The following LCORL variants were observed in gnomAD, a reference collection of about 807,000 sequenced individuals.
LCORL encodes ligand-dependent nuclear receptor corepressor-like protein.
A neutral mutation model predicts 141.8 loss-of-function variants in LCORL; 41 were observed. That is an observed-to-expected ratio of 0.29 (90% CI 0.23 to 0.38). The LOEUF is 0.38. Ranked by LOEUF, LCORL falls within the 10% of genes least tolerant of loss-of-function variation. The pLI is 1.00. For missense variants in LCORL, 1,759 were observed against 2,035.0 expected (o/e 0.86, Z 2.61); for synonymous variants, 618 against 694.1 (o/e 0.89, Z 1.72).
exon 7 of LCORL, chr4:17,876,695 A>C: frequency 8.1e-7 from 1 of 1,230,856 alleles, no homozygotes; most frequent in Non-Finnish European, 1.0e-6. Context: ...AAAGTCCAGA[A>C]ACATCATTTC....
chr4:18,010,149 T>C (rs1723471700), intron 1 of LCORL, among the ~76,000 whole-genome samples: 1 of 152,216 alleles, frequency 6.6e-6, no homozygotes, highest in African/African-American at 2.4e-5. Context: ...CTCTATTCTT[T>C]TACACTAATT....
At chr4:17,924,772 CCAT>C (rs901642128) in intron 4 of LCORL, among the ~76,000 whole-genome samples, 4 of 152,168 alleles carry the variant, frequency 2.6e-5, no homozygotes, top group African/African-American at 7.2e-5. Flanking sequence ...ACCATGTTCC[CCAT>C]CATCATGAAG....
At chr4:17,891,354 C>T (rs1553862136) in intron 5 of LCORL, among the ~76,000 whole-genome samples, 2 of 151,676 alleles carry the variant, frequency 1.3e-5, no homozygotes, top group African/African-American at 4.8e-5. Flanking sequence ...TTAAAAAACA[C>T]AAAAACAAAA....
intron 1 of LCORL, among the ~76,000 whole-genome samples, chr4:17,993,865 A>C (rs1484816868): frequency 2.0e-5 from 3 of 152,226 alleles, no homozygotes; most frequent in Admixed American, 1.3e-4. Context: ...ACCTGAGAGA[A>C]AGAAGACAGC....
chr4:18,021,281 G>C lies in LCORL; in HGVS notation c.154+317C>G, dbSNP rs1313848751. ...TCAGGGTGGACGGCGGGCGACGGCG[G>C]GCAGCGACGGGCGCCGAGGAGTTTC... On this transcript the variant is annotated intron_variant, in intron 1 of 7. Transcript: ENST00000635767. The surrounding 1 kb of genome is among the most constrained non-coding windows in gnomAD (Gnocchi z 5.5). 6.6e-6 allele frequency among the ~76,000 whole-genome samples: 1 copy of C among 152,168 alleles called. No individual in the cohort carries two copies. The highest frequency in any genetic ancestry group is 1.5e-5 in the Non-Finnish European group (1 of 67,994).
At chr4:17,914,494 T>C (rs950556265) in intron 4 of LCORL, among the ~76,000 whole-genome samples, 2 of 152,226 alleles carry the variant, frequency 1.3e-5, no homozygotes, top group African/African-American at 4.8e-5. Context: ...TGTCCCTTTA[T>C]ACTATATTGT....
At chr4:17,875,309 A>C in exon 7 of LCORL, 1 of 1,231,362 alleles carries the variant, frequency 8.1e-7, no homozygotes, top group Non-Finnish European at 1.0e-6. Flanking sequence ...TGGAAGGCTG[A>C]GGTATCACAG....
chr4:17,907,286 T>C (rs749417287), intron 5 of LCORL, among the ~76,000 whole-genome samples: 1 of 152,124 alleles, frequency 6.6e-6, no homozygotes, highest in African/African-American at 2.4e-5. Flanking sequence ...GCGGTGAGAG[T>C]AGTATTTGAG....
intron 1 of LCORL, among the ~76,000 whole-genome samples, chr4:18,020,059 G>A (rs898253589): frequency 1.3e-5 from 2 of 151,960 alleles, no homozygotes; most frequent in African/African-American, 4.8e-5. Flanking sequence ...TTTTTCGTAA[G>A]GGCAAAACAA....
At chr4:17,930,320 T>C (rs1327652192) in intron 4 of LCORL, among the ~76,000 whole-genome samples, 2 of 152,168 alleles carry the variant, frequency 1.3e-5, no homozygotes, top group Non-Finnish European at 2.9e-5. Context: ...CTGGGCAACA[T>C]AGTGAGACTC....
intron 5 of LCORL, among the ~76,000 whole-genome samples, chr4:17,897,199 T>G (rs1467365991): frequency 6.9e-6 from 1 of 145,918 alleles, no homozygotes; most frequent in East Asian, 2.0e-4. Context: ...GACTTCTCTT[T>G]GATATACTGA....
At chr4:17,865,057 C>T (rs1027657061) in intron 7 of LCORL, among the ~76,000 whole-genome samples, 6 of 152,190 alleles carry the variant, frequency 3.9e-5, no homozygotes, top group Non-Finnish European at 5.9e-5. Flanking sequence ...ATCATAGTCA[C>T]GGATTTTGAT....
At chr4:17,960,739 TG>T (rs1246509913) in intron 4 of LCORL, among the ~76,000 whole-genome samples, 11 of 152,120 alleles carry the variant, frequency 7.2e-5, no homozygotes, top group Non-Finnish European at 1.3e-4. Flanking sequence ...TATAGGTACG[TG>T]CCACTGTACC....
chr4:17,879,427 T>A (rs973053753), intron 6 of LCORL, among the ~76,000 whole-genome samples: 3 of 151,068 alleles, frequency 2.0e-5, no homozygotes, highest in Admixed American at 6.6e-5. Context: ...CTAAAACTAG[T>A]GATCTGACAT....
chr4:17,977,721 T>C (rs968219482), intron 1 of LCORL, among the ~76,000 whole-genome samples: 1 of 152,212 alleles, frequency 6.6e-6, no homozygotes, highest in African/African-American at 2.4e-5. Context: ...ATCATTTGCA[T>C]TTTTGTTTTC....
rs570397895 is a variant in LCORL at position 17,880,529 on chromosome 4, A to G, written c.777-2316T>C. On this transcript the variant is annotated intron_variant, in intron 6 of 7. Transcript: ENST00000635767. ...AACTTGTTGGAATATTTCTTCAGAA[A>G]AAGTAAATTAGAATACTATATTTAA... is the stretch of plus-strand genomic sequence containing the variant. 7.2e-5 allele frequency: 69 copies of G among 956,744 alleles called. No individual in the cohort carries two copies. In the African/African-American group the frequency reaches 1.2e-3, roughly 16 times the overall value. 59.3% of individuals were successfully genotyped at this position (956,744 alleles called of 1,614,324 possible).
In LCORL at chr4:17,933,697, A is replaced by G. The variant is rs141481298; in HGVS notation, c.431-24352T>C. ...TTGTTTTGTTTTTAGAGAGAATTTC[A>G]TATGTCCTATACTCTATTCATTTTG... is the stretch of plus-strand genomic sequence containing the variant. On this transcript the variant is annotated intron_variant, in intron 4 of 7. Transcript: ENST00000635767. 6.6e-4 allele frequency among the ~76,000 whole-genome samples: 100 copies of G among 152,154 alleles called. 1 individual carries two copies. The East Asian group carries it at 0.015, about 22-fold the overall frequency.
Position 17,853,081 on chromosome 4 carries a change from A to G in LCORL, c.5603-7180T>C, listed in dbSNP as rs1424703960. 2.7e-5 allele frequency among the ~76,000 whole-genome samples: 4 copies of G among 149,284 alleles called. No homozygotes were observed. The South Asian group carries it at 6.3e-4, about 24-fold the overall frequency. On this transcript the variant is annotated intron_variant, in intron 7 of 7. Coordinates refer to ENST00000635767, the Ensembl canonical transcript of LCORL. ...TTTTTTTTTTTTTTTTTAACAATAC[A>G]ACATTCAGTCCTAACAACTATTCAC...
chr4:17,941,128 G>A (rs1386952546), intron 4 of LCORL, among the ~76,000 whole-genome samples: 3 of 152,178 alleles, frequency 2.0e-5, no homozygotes, highest in African/African-American at 4.8e-5. Context: ...TGTAATGCCA[G>A]CACTTTGGGA....
Sources: allele counts gnomAD v4.1 joint callset (sites outside exome capture counted in the v4.1 genomes callset), GRCh38; gene constraint gnomAD v4.1.1; non-coding constraint Gnocchi (gnomAD v3.1); transcripts MANE v1.5; gene names NCBI Gene and HGNC (gene_info 2026-07-23, HGNC 2026-07-21).